Variants in PCDHGA4 observed in about 807,000 individuals in gnomAD.
PCDHGA4 encodes protocadherin gamma-A4.
Under a neutral mutation model 54.6 loss-of-function variants are expected in PCDHGA4, and 38 were observed. That is an observed-to-expected ratio of 0.70 (90% CI 0.54 to 0.91). The LOEUF is 0.91. Ranked by LOEUF, PCDHGA4 falls within the 40% of genes least tolerant of loss-of-function variation. The pLI is 0.00. For missense variants in PCDHGA4, 1,298 were observed against 1,220.9 expected (o/e 1.06, Z -0.94); for synonymous variants, 511 against 512.9 (o/e 1.00, Z 0.05).
At chr5:141,383,688 G>A (rs1246896425) in intron 1 of PCDHGA4, 6 of 1,614,008 alleles carry the variant, frequency 3.7e-6, no homozygotes, top group Non-Finnish European at 5.1e-6. Context: ...GACTGCTCAC[G>A]GTACATGCTA....
At chr5:141,385,374 T>A in intron 1 of PCDHGA4, 1 of 1,523,876 alleles carries the variant, frequency 6.6e-7, no homozygotes, top group Non-Finnish European at 8.8e-7. Context: ...TGCATGATAT[T>A]TCTCTATTAT....
intron 1 of PCDHGA4, chr5:141,391,341 C>G (rs2092360139): frequency 6.9e-6 from 1 of 145,086 alleles, no homozygotes. Flanking sequence ...GAGACAGAGT[C>G]TCTGTCTGTT....
At chr5:141,455,128 T>C (rs2098813900) in intron 1 of PCDHGA4, among the ~76,000 whole-genome samples, 2 of 151,962 alleles carry the variant, frequency 1.3e-5, no homozygotes, top group Admixed American at 6.6e-5. Context: ...ATGTTTTAAA[T>C]TACACTGTGT....
chr5:141,384,071 C>T, intron 1 of PCDHGA4: 1 of 1,603,192 alleles, frequency 6.2e-7, no homozygotes, highest in Non-Finnish European at 8.5e-7. Context: ...GAAAACCTAC[C>T]TTTTAAATTA....
At chr5:141,510,402 G>A (rs2099880998) in intron 3 of PCDHGA4, among the ~76,000 whole-genome samples, 1 of 152,008 alleles carries the variant, frequency 6.6e-6, no homozygotes, top group African/African-American at 2.4e-5. Flanking sequence ...GCAAAGGCTA[G>A]GGGCATGTAA....
At chr5:141,387,570 A>T (rs1490079513) in intron 1 of PCDHGA4, 4 of 455,052 alleles carry the variant, frequency 8.8e-6, no homozygotes, top group Non-Finnish European at 1.2e-5. Flanking sequence ...CACAATTATA[A>T]TTATTGCACT....
chr5:141,486,091 G>T lies in PCDHGA4; in HGVS notation c.2515-8716G>T. ...CTACTGGAAAGCTTACTCTTTTGGG[G>T]CCCCTAGACTTTGAGAGTGAGAATT... On this transcript the variant is annotated intron_variant, in intron 1 of 3. Coordinates refer to ENST00000571252, the MANE Select transcript of PCDHGA4 (RefSeq NM_018917.4). This position sits in a 1 kb window ranked among gnomAD's most constrained non-coding sequence, Gnocchi z 5.0. 1 of 1,614,158 alleles carries T rather than the reference G, an allele frequency of 6.2e-7. No homozygotes were observed. Among genetic ancestry groups the T allele is most frequent in the South Asian group, 1.1e-5 (1 of 91,078 alleles).
intron 1 of PCDHGA4, among the ~76,000 whole-genome samples, chr5:141,458,869 A>G (rs2154566384): frequency 6.6e-6 from 1 of 152,264 alleles, no homozygotes; most frequent in East Asian, 1.9e-4. Context: ...AGTAGCTGGG[A>G]CTACAGGCAT....
Position 141,355,398 on chromosome 5 carries a change from C to T in PCDHGA4, c.291C>T (p.Ile97=), listed in dbSNP as rs768527060. 11 of 1,613,956 alleles carry T rather than the reference C, an allele frequency of 6.8e-6. No individual in the cohort carries two copies. The Admixed American group carries it at 1.3e-4, about 20-fold the overall frequency. ...PRELAERGVR[I]VSRGRTQLFA... ...AGCTGGCGGAGCGCGGAGTCCGCAT[C>T]GTCTCCAGAGGTAGGACGCAGCTTT... is the stretch of plus-strand genomic sequence containing the variant. The change falls in exon 1 of 4, where the codon ATC becomes ATT. Residue 97 remains isoleucine (I), a synonymous_variant. Transcript: ENST00000571252.
In PCDHGA4 at chr5:141,419,435, C is replaced by A. The variant is rs2096382649; in HGVS notation, c.2514+61814C>A. The A allele has an allele frequency of 2.5e-6, 4 of 1,613,108 alleles. No individual in the cohort carries two copies. In the African/African-American group the frequency reaches 4.0e-5, roughly 16 times the overall value. ...GCGCGCCTTCGACCACGAGCAGCTG[C>A]GCACCTTCGAGCTCACGCTGCAGGC... is the stretch of plus-strand genomic sequence containing the variant. On this transcript the variant is annotated intron_variant, in intron 1 of 3. Transcript: ENST00000571252.
rs11575965 is a variant in PCDHGA4 at position 141,430,679 on chromosome 5, T to C, written c.2515-64128T>C. 6,478 of 1,333,262 alleles carry C rather than the reference T, an allele frequency of 4.9e-3. 34 individuals carry two copies. Among genetic ancestry groups the C allele is most frequent in the Admixed American group, 9.3e-3 (354 of 37,978 alleles). 82.6% of individuals were successfully genotyped at this position (1,333,262 alleles called of 1,614,324 possible). ...CGGAGGAGCTCTGACTTCCCAACTG[T>C]CCCATTCTATGGGCGAAGGAACTGC... On this transcript the variant is annotated intron_variant, in intron 1 of 3. Coordinates refer to ENST00000571252, the MANE Select transcript of PCDHGA4 (RefSeq NM_018917.4).
chr5:141,374,296 G>A, intron 1 of PCDHGA4: 3 of 1,613,974 alleles, frequency 1.9e-6, no homozygotes, highest in Non-Finnish European at 2.5e-6. Flanking sequence ...CCAGAGGTAG[G>A]ATGCAGCTTT....
Position 141,355,743 on chromosome 5 carries a change from C to T in PCDHGA4, c.636C>T (p.Asp212=), listed in dbSNP as rs750434737. ...ACTCAAACGGTTACTTTTCCCTGGA[C>T]GTGCAAAGTGGGGCCGATGGGATTA... The part of the protein sequence containing the change: ...QLNSNGYFSL[D]VQSGADGIKY... The change falls in exon 1 of 4, where the codon GAC becomes GAT. Residue 212 remains aspartate, a synonymous_variant. Coordinates refer to ENST00000571252, the MANE Select transcript of PCDHGA4 (RefSeq NM_018917.4). The T allele has an allele frequency of 1.2e-6, 2 of 1,613,960 alleles. No individual in the cohort carries two copies. The highest frequency in any genetic ancestry group is 1.7e-6 in the Non-Finnish European group (2 of 1,179,874).
At chr5:141,371,831 C>T (rs374832321) in intron 1 of PCDHGA4, 1 of 1,613,770 alleles carries the variant, frequency 6.2e-7, no homozygotes, top group Non-Finnish European at 8.5e-7. Context: ...CCTCGGATCC[C>T]GACTTGGGAC....
intron 1 of PCDHGA4, among the ~76,000 whole-genome samples, chr5:141,481,161 A>G (rs2099532805): frequency 6.6e-6 from 1 of 152,230 alleles, no homozygotes; most frequent in African/African-American, 2.4e-5. Flanking sequence ...GTATTTGCAG[A>G]ACCAGAATCC....
chr5:141,399,515 C>A, intron 1 of PCDHGA4: 13 of 1,614,040 alleles, frequency 8.1e-6, no homozygotes, highest in Non-Finnish European at 1.1e-5. Flanking sequence ...AACAACCCTC[C>A]TGGGGCCTCC....
intron 1 of PCDHGA4, chr5:141,370,874 T>A (rs369229257): frequency 1.2e-6 from 2 of 1,613,942 alleles, no homozygotes; most frequent in African/African-American, 2.7e-5. Context: ...CGCAAGATCC[T>A]GATGTAGGTG....
intron 1 of PCDHGA4, chr5:141,394,336 A>G (rs1205005872): frequency 1.9e-6 from 3 of 1,613,704 alleles, no homozygotes; most frequent in Non-Finnish European, 1.7e-6. Context: ...ATCTCCATCA[A>G]CTCTGACACC....
At chr5:141,374,942 A>C (rs758134474) in intron 1 of PCDHGA4, 3 of 1,614,044 alleles carry the variant, frequency 1.9e-6, no homozygotes, top group Non-Finnish European at 2.5e-6. Flanking sequence ...GATTACAGAA[A>C]AGATCTCACA....
Sources: allele counts gnomAD v4.1 joint callset (sites outside exome capture counted in the v4.1 genomes callset), GRCh38; gene constraint gnomAD v4.1.1; non-coding constraint Gnocchi (gnomAD v3.1); transcripts MANE v1.5; gene names NCBI Gene and HGNC (gene_info 2026-07-23, HGNC 2026-07-21).